ESRRG: variants seen among roughly 807,000 people sequenced by gnomAD.
ESRRG encodes the protein estrogen-related receptor gamma.
A neutral mutation model predicts 44.0 loss-of-function variants in ESRRG; 13 were observed. That is an observed-to-expected ratio of 0.30 (90% CI 0.19 to 0.47). The LOEUF is 0.47. Ranked by LOEUF, ESRRG falls within the 20% of genes least tolerant of loss-of-function variation. The probability of loss-of-function intolerance (pLI) is 1.00; values close to 1 mark genes in which losing one functional copy is unlikely to be tolerated. For missense variants in ESRRG, 395 were observed against 580.6 expected (o/e 0.68, Z 3.29); for synonymous variants, 215 against 214.6 (o/e 1.00, Z -0.02).
intron 3 of ESRRG, among the ~76,000 whole-genome samples, chr1:216,571,108 G>A (rs2060700600): frequency 6.6e-6 from 1 of 152,186 alleles, no homozygotes; most frequent in Non-Finnish European, 1.5e-5. Context: ...TAAGTCTACA[G>A]AGGAAGTGCA....
intron 1 of ESRRG, among the ~76,000 whole-genome samples, chr1:217,062,157 C>T (rs1357385162): frequency 6.6e-6 from 1 of 152,174 alleles, no homozygotes; most frequent in Non-Finnish European, 1.5e-5. Context: ...ATTCCCGAGA[C>T]ACCCCTGGCG....
chr1:216,890,882 T>C (rs1444108668), intron 2 of ESRRG, among the ~76,000 whole-genome samples: 1 of 152,208 alleles, frequency 6.6e-6, no homozygotes, highest in African/African-American at 2.4e-5. Context: ...TTTTAAATGT[T>C]TGTGTCCCTA....
chr1:216,514,965 C>CACACAG (rs749411414), intron 6 of ESRRG, among the ~76,000 whole-genome samples: 1,535 of 151,394 alleles, frequency 0.01, 15 homozygotes, highest in Non-Finnish European at 0.016. Flanking sequence ...TTTATACACA[C>CACACAG]ACACACACAC....
intron 1 of ESRRG, among the ~76,000 whole-genome samples, chr1:216,709,704 A>T (rs1170454335): frequency 2.0e-5 from 3 of 151,876 alleles, no homozygotes; most frequent in Non-Finnish European, 4.4e-5. Context: ...TAAAAAAAAA[A>T]ATTGGAGGGA....
chr1:216,782,576 A>C (rs2093974184), intron 2 of ESRRG, among the ~76,000 whole-genome samples: 1 of 152,062 alleles, frequency 6.6e-6, no homozygotes, highest in South Asian at 2.1e-4. Flanking sequence ...TTTTAAGGTT[A>C]GCACTTAACA....
chr1:217,113,184 T>C (rs1268839165), intron 1 of ESRRG, among the ~76,000 whole-genome samples: 1 of 152,140 alleles, frequency 6.6e-6, no homozygotes, highest in East Asian at 1.9e-4. Context: ...GACATGGGCT[T>C]TTTTCTGTTT....
intron 1 of ESRRG, among the ~76,000 whole-genome samples, chr1:217,039,854 A>G (rs1040714250): frequency 6.6e-6 from 1 of 151,008 alleles, no homozygotes; most frequent in Admixed American, 6.6e-5. Flanking sequence ...TGTTTTTTCC[A>G]CCCCATCCCA....
intron 1 of ESRRG, among the ~76,000 whole-genome samples, chr1:217,069,317 T>C (rs830330): frequency 0.61 from 92,938 of 151,844 alleles, 28,632 homozygotes; most frequent in East Asian, 0.78. Flanking sequence ...CCTCAGCTTG[T>C]AGATAGCCTA....
chr1:216,747,263 A>G (rs934776405), intron 2 of ESRRG, among the ~76,000 whole-genome samples: 4 of 152,146 alleles, frequency 2.6e-5, no homozygotes, highest in African/African-American at 9.7e-5. Flanking sequence ...CTTGAGAGTA[A>G]TTACCCGCAT....
chr1:217,125,786 T>G (rs187970796), intron 1 of ESRRG, among the ~76,000 whole-genome samples: 14 of 152,336 alleles, frequency 9.2e-5, no homozygotes, highest in African/African-American at 3.1e-4. Context: ...TTATCATATG[T>G]GGTCAGACAA....
intron 5 of ESRRG, among the ~76,000 whole-genome samples, chr1:216,531,931 C>T (rs1242495556): frequency 6.6e-6 from 1 of 151,870 alleles, no homozygotes; most frequent in East Asian, 1.9e-4. Flanking sequence ...CACTGAAACC[C>T]TGCAAAAAAA....
intron 2 of ESRRG, among the ~76,000 whole-genome samples, chr1:216,751,355 A>T (rs1373719829): frequency 6.6e-6 from 1 of 152,176 alleles, no homozygotes. Context: ...GGACTGTGAG[A>T]AGAGGTTGCA....
intron 5 of ESRRG, among the ~76,000 whole-genome samples, chr1:216,529,307 T>C (rs923793767): frequency 1.3e-5 from 2 of 152,158 alleles, no homozygotes; most frequent in African/African-American, 4.8e-5. Context: ...GATATGAACT[T>C]TGTTTTTCCA....
chr1:217,062,153 G>A (rs867510023), intron 1 of ESRRG, among the ~76,000 whole-genome samples: 14 of 152,058 alleles, frequency 9.2e-5, no homozygotes, highest in East Asian at 1.9e-4. Flanking sequence ...ATGGATTCCC[G>A]AGACACCCCT....
chr1:216,762,359 G>A (rs1301707094), intron 2 of ESRRG, among the ~76,000 whole-genome samples: 1 of 151,978 alleles, frequency 6.6e-6, no homozygotes, highest in Non-Finnish European at 1.5e-5. Context: ...TATACACTAT[G>A]GAATACTATG....
At chr1:216,850,577 T>C (rs1055355830) in intron 2 of ESRRG, among the ~76,000 whole-genome samples, 2 of 152,096 alleles carry the variant, frequency 1.3e-5, no homozygotes, top group Non-Finnish European at 2.9e-5. Context: ...CTAGTAATTA[T>C]ATAATACACT....
Position 216,825,633 on chromosome 1 carries a change from CAAAT to C in ESRRG, c.-14+113945_-14+113948del, listed in dbSNP as rs71803483. Among the ~76,000 whole-genome samples, 1,087 of 152,128 alleles carry C rather than the reference CAAAT, an allele frequency of 7.1e-3. 14 individuals are homozygous for C. The highest frequency in any genetic ancestry group is 0.025 in the African/African-American group (1,019 of 41,470). On this transcript the variant is annotated intron_variant, in intron 2 of 7. Coordinates refer to the ESRRG transcript ENST00000359162. ...GAAATAAGTTAATAAATGCACAAGA[CAAAT>C]AAGTTTGATTCCTATGGATGCTAGA...
At chr1:216,681,443 C>T (rs1264406084) in intron 1 of ESRRG, among the ~76,000 whole-genome samples, 1 of 152,068 alleles carries the variant, frequency 6.6e-6, no homozygotes, top group Non-Finnish European at 1.5e-5. Context: ...TCCCTCCCTG[C>T]TCCCCCCACC....
At chr1:216,915,869 A>C (rs544488371) in intron 2 of ESRRG, among the ~76,000 whole-genome samples, 3 of 152,190 alleles carry the variant, frequency 2.0e-5, no homozygotes, top group Non-Finnish European at 4.4e-5. Context: ...CTTCCAAAGG[A>C]AACAGCCAGT....
Sources: gnomAD v4.1 joint callset for allele counts (sites outside exome capture counted in the v4.1 genomes callset) on GRCh38, gnomAD v4.1.1 for gene constraint, MANE v1.5 for transcripts, NCBI Gene and HGNC (gene_info 2026-07-23, HGNC 2026-07-21) for gene names.